ADAMTS6: variants seen among roughly 807,000 people sequenced by gnomAD.
ADAMTS6 encodes ADAM metallopeptidase with thrombospondin type 1 motif 6, also known as A disintegrin and metalloproteinase with thrombospondin motifs 6.
Under a neutral mutation model 144.3 loss-of-function variants are expected in ADAMTS6, and 23 were observed. The observed-to-expected ratio is 0.16, with a 90% confidence interval of 0.11 to 0.23. The LOEUF (loss-of-function observed/expected upper bound fraction) is 0.23. Among genes scored for constraint, ADAMTS6 ranks in the 10% least tolerant of loss-of-function variants. The pLI, the probability that ADAMTS6 is intolerant of heterozygous loss-of-function variation, is 1.00. For missense variants in ADAMTS6, 999 were observed against 1,379.6 expected (o/e 0.72, Z 4.37); for synonymous variants, 444 against 457.5 (o/e 0.97, Z 0.38).
intron 22 of ADAMTS6, among the ~76,000 whole-genome samples, chr5:65,184,863 A>G (rs915191117): frequency 6.6e-6 from 1 of 152,140 alleles, no homozygotes; most frequent in Non-Finnish European, 1.5e-5. Flanking sequence ...TGGCTTTACA[A>G]CAATGGAAAT....
intron 7 of ADAMTS6, among the ~76,000 whole-genome samples, chr5:65,374,237 T>G (rs1275681002): frequency 6.6e-6 from 1 of 152,004 alleles, no homozygotes; most frequent in Non-Finnish European, 1.5e-5. Context: ...CTATTCAACA[T>G]AGTGTTGGAA....
intron 18 of ADAMTS6, 115 bp downstream of exon 18, chr5:65,224,204 AT>A: frequency 2.4e-6 from 2 of 830,022 alleles, no homozygotes; most frequent in Non-Finnish European, 4.0e-6. Flanking sequence ...AGCTTACTTC[AT>A]TTTAGCATGA....
intron 14 of ADAMTS6, among the ~76,000 whole-genome samples, chr5:65,257,957 T>G (rs1561340620): frequency 6.6e-6 from 1 of 152,238 alleles, no homozygotes; most frequent in Admixed American, 6.5e-5. Context: ...AAGCATGGTC[T>G]AATATACAAT....
chr5:65,311,434 T>C (rs554499504), intron 9 of ADAMTS6, among the ~76,000 whole-genome samples: 2 of 152,170 alleles, frequency 1.3e-5, no homozygotes, highest in Non-Finnish European at 2.9e-5. Flanking sequence ...TTGACATGCA[T>C]GCTTTTCTGA....
chr5:65,379,234 C>T (rs1410122126), intron 7 of ADAMTS6, among the ~76,000 whole-genome samples: 1 of 152,202 alleles, frequency 6.6e-6, no homozygotes, highest in African/African-American at 2.4e-5. Context: ...TATCCCTCTT[C>T]ACTTTTGTAG....
intron 11 of ADAMTS6, among the ~76,000 whole-genome samples, chr5:65,276,557 T>G (rs1174080780): frequency 1.3e-5 from 2 of 152,184 alleles, no homozygotes; most frequent in Non-Finnish European, 2.9e-5. Context: ...AAACAAGAAG[T>G]AGACTTCCTA....
intron 11 of ADAMTS6, among the ~76,000 whole-genome samples, chr5:65,286,520 T>C (rs1741683704): frequency 6.6e-6 from 1 of 152,194 alleles, no homozygotes; most frequent in South Asian, 2.1e-4. Context: ...ACAAACTTCA[T>C]AGACAATAAA....
At chr5:65,365,524 G>T (rs982891899) in intron 7 of ADAMTS6, among the ~76,000 whole-genome samples, 6 of 151,984 alleles carry the variant, frequency 3.9e-5, no homozygotes. Context: ...GCACATGCCT[G>T]TAATCTCAGT....
intron 15 of ADAMTS6, among the ~76,000 whole-genome samples, chr5:65,239,323 G>A (rs1220677789): frequency 6.7e-6 from 1 of 149,524 alleles, no homozygotes; most frequent in Non-Finnish European, 1.5e-5. Flanking sequence ...AGTCAGTGTA[G>A]TACTGGCACA....
At chr5:65,428,590 C>T (rs1016326291) in intron 7 of ADAMTS6, among the ~76,000 whole-genome samples, 2 of 152,164 alleles carry the variant, frequency 1.3e-5, no homozygotes, top group African/African-American at 4.8e-5. Context: ...CAAAATGGCT[C>T]CTCAGTTTAC....
At chr5:65,403,594 TACA>T (rs748736263) in intron 7 of ADAMTS6, among the ~76,000 whole-genome samples, 137 of 152,280 alleles carry the variant, frequency 9.0e-4, no homozygotes, top group Non-Finnish European at 9.7e-4. Context: ...CATACTCTTA[TACA>T]ATAAATTTTG....
intron 20 of ADAMTS6, chr5:65,210,678 A>C: frequency 1.6e-6 from 1 of 633,690 alleles, no homozygotes; most frequent in Non-Finnish European, 3.0e-6. Flanking sequence ...ATGATTCTGA[A>C]AGCAAATAAT....
intron 14 of ADAMTS6, among the ~76,000 whole-genome samples, chr5:65,258,197 T>G (rs1760860103): frequency 2.0e-5 from 3 of 152,056 alleles, no homozygotes; most frequent in Admixed American, 2.0e-4. Flanking sequence ...CAATTTTAAG[T>G]TCAGTACTCA....
At chr5:65,309,746 T>A (rs1301869534) in intron 9 of ADAMTS6, among the ~76,000 whole-genome samples, 1 of 152,232 alleles carries the variant, frequency 6.6e-6, no homozygotes, top group Admixed American at 6.5e-5. Context: ...CAGACTTGGC[T>A]TTGTAAATTG....
At chr5:65,297,756 C>A (rs76762437) in intron 10 of ADAMTS6, among the ~76,000 whole-genome samples, 2,062 of 152,168 alleles carry the variant, frequency 0.014, 38 homozygotes, top group African/African-American at 0.046. Flanking sequence ...TTTAAAAACC[C>A]TTTATTGCTT....
chr5:65,229,093 A>G (rs1757942096), intron 15 of ADAMTS6, among the ~76,000 whole-genome samples: 1 of 152,166 alleles, frequency 6.6e-6, no homozygotes, highest in African/African-American at 2.4e-5. Flanking sequence ...AGCCAACACA[A>G]CTTTGCAGGA....
chr5:65,245,383 C>T (rs1178053390), intron 14 of ADAMTS6, among the ~76,000 whole-genome samples: 1 of 152,108 alleles, frequency 6.6e-6, no homozygotes, highest in African/African-American at 2.4e-5. Flanking sequence ...GTAGCTCCAT[C>T]TTCAGGTAAC....
chr5:65,226,779 C>T (rs1757760667), intron 15 of ADAMTS6, among the ~76,000 whole-genome samples: 1 of 152,076 alleles, frequency 6.6e-6, no homozygotes, highest in Non-Finnish European at 1.5e-5. Context: ...GACAGGGTTT[C>T]ACCATGTTAG....
chr5:65,277,822 C>G (rs1012773591), intron 11 of ADAMTS6, among the ~76,000 whole-genome samples: 10 of 152,030 alleles, frequency 6.6e-5, no homozygotes, highest in African/African-American at 2.2e-4. Context: ...GACCCGCTGC[C>G]CAAGACTTTT....
Sources: gnomAD v4.1 joint callset for allele counts (sites outside exome capture counted in the v4.1 genomes callset) on GRCh38, gnomAD v4.1.1 for gene constraint, MANE v1.5 for transcripts, NCBI Gene and HGNC (gene_info 2026-07-23, HGNC 2026-07-21) for gene names.